The following KIAA1217 variants were observed in gnomAD, a reference collection of about 807,000 sequenced individuals.
KIAA1217 encodes KIAA1217, also known as sickle tail protein homolog.
Under a neutral mutation model 163.9 loss-of-function variants are expected in KIAA1217, and 88 were observed. That is an observed-to-expected ratio of 0.54 (90% CI 0.45 to 0.64). KIAA1217 has a LOEUF of 0.64. Among genes scored for constraint, KIAA1217 ranks in the 30% least tolerant of loss-of-function variants. The pLI is 0.00. For missense variants in KIAA1217, 2,372 were observed against 2,475.0 expected (o/e 0.96, Z 0.88); for synonymous variants, 903 against 923.1 (o/e 0.98, Z 0.39).
chr10:23,834,417 C>G (rs1032179799), intron 1 of KIAA1217, among the ~76,000 whole-genome samples: 5 of 152,050 alleles, frequency 3.3e-5, no homozygotes, highest in African/African-American at 1.2e-4. Flanking sequence ...ATTGAGTTAC[C>G]AGTATATTCT....
intron 1 of KIAA1217, among the ~76,000 whole-genome samples, chr10:23,746,979 G>T (rs932140379): frequency 6.6e-6 from 1 of 152,122 alleles, no homozygotes; most frequent in Non-Finnish European, 1.5e-5. Context: ...GGGAGTATCT[G>T]ATTATAGTGA....
intron 2 of KIAA1217, among the ~76,000 whole-genome samples, chr10:24,323,500 G>T (rs940899399): frequency 1.3e-5 from 2 of 152,170 alleles, no homozygotes; most frequent in Non-Finnish European, 2.9e-5. Context: ...CAGTAGCAAG[G>T]CCTGGTGTCC....
chr10:23,741,844 A>G (rs1839132590), intron 1 of KIAA1217, among the ~76,000 whole-genome samples: 2 of 152,238 alleles, frequency 1.3e-5, no homozygotes, highest in Admixed American at 6.5e-5. Flanking sequence ...AGGTAGAGCA[A>G]CACTAAGAGG....
intron 2 of KIAA1217, among the ~76,000 whole-genome samples, chr10:24,150,121 G>T (rs1352797012): frequency 6.6e-6 from 1 of 152,108 alleles, no homozygotes; most frequent in Admixed American, 6.5e-5. Flanking sequence ...GGGTTCAAGT[G>T]ATTCTGCTGC....
intron 6 of KIAA1217, chr10:24,481,762 T>C (rs1245225820): frequency 6.6e-6 from 1 of 152,172 alleles, no homozygotes; most frequent in Non-Finnish European, 1.5e-5. Flanking sequence ...CGGTAATTGC[T>C]ATGAATTCAG....
chr10:23,818,026 C>G (rs543711724), intron 1 of KIAA1217, among the ~76,000 whole-genome samples: 38 of 123,874 alleles, frequency 3.1e-4, no homozygotes, highest in African/African-American at 1.2e-3. Flanking sequence ...TATATATACA[C>G]ACATATATAT....
intron 1 of KIAA1217, among the ~76,000 whole-genome samples, chr10:24,213,325 C>T (rs1398019780): frequency 2.0e-5 from 3 of 152,154 alleles, no homozygotes; most frequent in Non-Finnish European, 4.4e-5. Flanking sequence ...GCAGTCCTGA[C>T]GTGTGTGCTT....
chr10:24,482,973 T>C (rs1434360131), intron 6 of KIAA1217: 1 of 151,492 alleles, frequency 6.6e-6, no homozygotes, highest in African/African-American at 2.5e-5. Context: ...TGAGCTATGA[T>C]TGCACTACTG....
intron 1 of KIAA1217, among the ~76,000 whole-genome samples, chr10:23,893,573 A>G (rs1218935968): frequency 1.3e-5 from 2 of 151,784 alleles, no homozygotes; most frequent in African/African-American, 4.8e-5. Flanking sequence ...AGTTCTTTTA[A>G]TTGTGATGTG....
At chr10:23,748,590 G>A (rs952710502) in intron 1 of KIAA1217, among the ~76,000 whole-genome samples, 2 of 143,834 alleles carry the variant, frequency 1.4e-5, no homozygotes, top group Admixed American at 1.4e-4. Context: ...AAGGGGGGAG[G>A]GAAGATGGAA....
chr10:23,845,331 G>T (rs1309585316), intron 1 of KIAA1217, among the ~76,000 whole-genome samples: 1 of 152,148 alleles, frequency 6.6e-6, no homozygotes, highest in African/African-American at 2.4e-5. Flanking sequence ...CACAATGGTT[G>T]AACTAATTTA....
chr10:24,147,859 A>AAAAAAAAAAAAAAAAAG (rs1564755545), intron 2 of KIAA1217, among the ~76,000 whole-genome samples: 1 of 146,024 alleles, frequency 6.8e-6, no homozygotes, highest in African/African-American at 2.6e-5. Context: ...AAAAAAAAAA[A>AAAAAAAAAAAAAAAAAG]AAAGAAAGAA....
At chr10:23,995,187 C>T (rs746860732) in intron 1 of KIAA1217, among the ~76,000 whole-genome samples, 1 of 152,058 alleles carries the variant, frequency 6.6e-6, no homozygotes, top group African/African-American at 2.4e-5. Flanking sequence ...CTCTGTTCCT[C>T]GGGGAGATCA....
At chr10:23,917,193 T>C (rs1196838658) in intron 1 of KIAA1217, among the ~76,000 whole-genome samples, 1 of 152,068 alleles carries the variant, frequency 6.6e-6, no homozygotes, top group African/African-American at 2.4e-5. Context: ...AAACAAGAAA[T>C]GGTAGAGGAA....
rs559565732 is a variant in KIAA1217 at position 24,096,275 on chromosome 10, T to C, written c.-171+88901T>C. On this transcript the variant is annotated intron_variant, in intron 2 of 18. Coordinates refer to the KIAA1217 transcript ENST00000376462. ...CTCCCTCTTTGTCATTTCCCTCCAA[T>C]CCAGATCCCCCATGGCTGATCATTC... Among the ~76,000 whole-genome samples the C allele has an allele frequency of 5.9e-5, 9 of 152,266 alleles. No individual in the cohort carries two copies. In the East Asian group the frequency reaches 1.7e-3, roughly 29 times the overall value.
intron 2 of KIAA1217, among the ~76,000 whole-genome samples, chr10:24,185,209 A>G (rs1272932883): frequency 1.3e-5 from 2 of 152,164 alleles, no homozygotes; most frequent in Non-Finnish European, 2.9e-5. Context: ...TCACACTTCT[A>G]CTACATAAGT....
intron 1 of KIAA1217, among the ~76,000 whole-genome samples, chr10:23,821,981 G>T (rs1474944641): frequency 6.6e-6 from 1 of 152,174 alleles, no homozygotes; most frequent in South Asian, 2.1e-4. Flanking sequence ...TGAAGCCCCT[G>T]CTGCTTGTGT....
intron 1 of KIAA1217, among the ~76,000 whole-genome samples, chr10:23,979,229 G>A (rs1317060872): frequency 6.6e-6 from 1 of 152,168 alleles, no homozygotes; most frequent in African/African-American, 2.4e-5. Flanking sequence ...AAAGACTCAG[G>A]ATTTAAGTGG....
intron 2 of KIAA1217, among the ~76,000 whole-genome samples, chr10:24,130,797 CATT>C: frequency 1.3e-5 from 2 of 152,276 alleles, no homozygotes; most frequent in Middle Eastern, 6.8e-3. Context: ...TCGTCACCAT[CATT>C]AACTTTTCCA....
Sources: allele counts gnomAD v4.1 joint callset (sites outside exome capture counted in the v4.1 genomes callset), GRCh38; gene constraint gnomAD v4.1.1; transcripts MANE v1.5; gene names NCBI Gene and HGNC (gene_info 2026-07-23, HGNC 2026-07-21).